Variants in CACNA2D4 observed in about 807,000 individuals in gnomAD.
CACNA2D4 encodes the protein voltage-dependent calcium channel subunit alpha-2/delta-4.
Under a neutral mutation model 163.8 loss-of-function variants are expected in CACNA2D4, and 157 were observed. The ratio of observed to expected loss-of-function variants is 0.96; its 90% confidence interval spans 0.84 to 1.09. The LOEUF (loss-of-function observed/expected upper bound fraction) is 1.09, where lower values mean the gene tolerates loss of function less well. Ranked by LOEUF, CACNA2D4 falls within the 50% of genes least tolerant of loss-of-function variation. CACNA2D4 has a pLI of 0.00. For missense variants in CACNA2D4, 1,410 were observed against 1,479.9 expected, an observed-to-expected ratio of 0.95 and a Z score of 0.78; for synonymous variants, 598 against 586.9, an observed-to-expected ratio of 1.02 and a Z score of -0.27.
At chr12:1,827,086 C>T (rs557877737) in intron 26 of CACNA2D4, among the ~76,000 whole-genome samples, 126 of 152,322 alleles carry the variant, frequency 8.3e-4, no homozygotes, top group Non-Finnish European at 1.0e-3. Flanking sequence ...GCAGGGAGCC[C>T]GTGGAGGGCG....
Position 1,878,045 on chromosome 12 carries a change from C to T in CACNA2D4, c.1719+270G>A, listed in dbSNP as rs1441945980. Among the ~76,000 whole-genome samples the T allele has an allele frequency of 2.0e-5, 3 of 152,196 alleles. No homozygotes were observed. Among genetic ancestry groups the T allele is most frequent in the Non-Finnish European group, 2.9e-5 (2 of 68,042 alleles). On this transcript the variant is annotated intron_variant, in intron 16 of 37. Transcript: ENST00000382722. The surrounding 1 kb of genome is among the most constrained non-coding windows in gnomAD (Gnocchi z 4.6). ...CTCCAAGCAGATGTGAATAATGGCC[C>T]TGCGGGCTCTTTAGCCTCAAAACTG... is the stretch of plus-strand genomic sequence containing the variant.
intron 6 of CACNA2D4, among the ~76,000 whole-genome samples, chr12:1,891,734 TA>T (rs1201490190): frequency 6.6e-6 from 1 of 152,006 alleles, no homozygotes; most frequent in Non-Finnish European, 1.5e-5. Context: ...TAGATATCAT[TA>T]CAAAGAACCA....
At chr12:1,853,593 T>C (rs2286374) in intron 23 of CACNA2D4, among the ~76,000 whole-genome samples, 113,220 of 151,948 alleles carry the variant, frequency 0.75, 42,590 homozygotes, top group Non-Finnish European at 0.79. Flanking sequence ...CACAATAGTA[T>C]CAGGAGAAGA....
At chr12:1,823,798 C>T (rs1308500242) in intron 26 of CACNA2D4, among the ~76,000 whole-genome samples, 1 of 152,216 alleles carries the variant, frequency 6.6e-6, no homozygotes, top group Non-Finnish European at 1.5e-5. Flanking sequence ...CAGCTGCCTT[C>T]TCAGCTCCAG....
rs374500884 is a variant in CACNA2D4 at position 1,844,464 on chromosome 12, C to A, written c.2408G>T (p.Arg803Leu). The A allele has an allele frequency of 6.2e-7, 1 of 1,613,344 alleles. No individual in the cohort carries two copies. The highest frequency in any genetic ancestry group is 2.2e-5 in the East Asian group (1 of 44,868). ...GCCAGCAGGATGCTCTGAGGCCTGG[C>A]GGTACCACAGCGGGAAGCGGTCCAG... ...FTLDRFPLWY[R>L]QASEHPAGSF... The change falls in exon 25 of 38, where the codon CGC becomes CTC. Residue 803 changes from arginine (R) to leucine (L), a missense_variant. Arg to Leu is a moderately radical substitution (Grantham distance 102, BLOSUM62 -2). Transcript: ENST00000382722. This position sits in a 1 kb window ranked among gnomAD's most constrained non-coding sequence, Gnocchi z 4.2.
intron 3 of CACNA2D4, among the ~76,000 whole-genome samples, chr12:1,910,336 A>T (rs1281661196): frequency 6.6e-6 from 1 of 152,210 alleles, no homozygotes; most frequent in Non-Finnish European, 1.5e-5. Context: ...TAGTGGATGC[A>T]TGTCATTGCA....
rs1011336684 is a variant in CACNA2D4, at chr12:1,844,653, G to A, written c.2343-124C>T. ...GTGATTTTAGCCCCTAAATTAGTAC[G>A]GCCCCAGACAATGCTTCCCAGCAAT... On this transcript the variant is annotated intron_variant, in intron 24 of 37. Transcript: ENST00000382722. The surrounding 1 kb of genome is among the most constrained non-coding windows in gnomAD (Gnocchi z 4.2). The A allele has an allele frequency of 9.4e-6, 9 of 962,010 alleles. No individual in the cohort carries two copies. The highest frequency in any genetic ancestry group is 1.6e-5 in the African/African-American group (1 of 60,778). 59.6% of individuals were successfully genotyped at this position (962,010 alleles called of 1,614,324 possible). A position where few individuals can be genotyped will look rare whatever the true frequency, so the allele number is the denominator to read the frequency against.
At chr12:1,904,149 T>C (rs1220693945) in intron 6 of CACNA2D4, among the ~76,000 whole-genome samples, 1 of 152,004 alleles carries the variant, frequency 6.6e-6, no homozygotes, top group African/African-American at 2.4e-5. Flanking sequence ...TCGCACTTTT[T>C]TGTGGGGGCT....
Position 1,883,271 on chromosome 12 carries a change from C to T in CACNA2D4, c.1352-271G>A, listed in dbSNP as rs986160577. Among the ~76,000 whole-genome samples, 48 of 152,304 alleles carry T rather than the reference C, an allele frequency of 3.2e-4. No individual in the cohort carries two copies. The highest frequency in any genetic ancestry group is 5.7e-4 in the Non-Finnish European group (39 of 68,014). ...CTCCGGAAGGAGCAGCAGGGCCTGA[C>T]GCAAGAGTGTTGGGGGTCAGCCTCT... On this transcript the variant is annotated intron_variant, in intron 12 of 37. Coordinates refer to ENST00000382722, the MANE Select transcript of CACNA2D4 (RefSeq NM_172364.5). The surrounding 1 kb of genome is among the most constrained non-coding windows in gnomAD (Gnocchi z 4.5).
intron 25 of CACNA2D4, among the ~76,000 whole-genome samples, chr12:1,842,111 C>A (rs1476918567): frequency 6.6e-6 from 1 of 152,182 alleles, no homozygotes; most frequent in East Asian, 1.9e-4. Flanking sequence ...CATGTGGAGA[C>A]CCTAATGAGG....
rs1000894293 is a variant in CACNA2D4 at position 1,875,167 on chromosome 12, T to G, written c.1806+84A>C. 3 of 978,068 alleles carry G rather than the reference T, an allele frequency of 3.1e-6. No individual in the cohort carries two copies. Among genetic ancestry groups the G allele is most frequent in the African/African-American group, 1.6e-5 (1 of 62,962 alleles). 60.6% of individuals were successfully genotyped at this position (978,068 alleles called of 1,614,324 possible). ...TCTGCCTGACAGGAACAGAGTGACCTCAAAGCTCACAGCCACACAGCTGAC... is the reference window on the plus strand; with the variant it reads ...TCTGCCTGACAGGAACAGAGTGACCGCAAAGCTCACAGCCACACAGCTGAC... On this transcript the variant is annotated intron_variant, in intron 17 of 37. Coordinates refer to ENST00000382722, the MANE Select transcript of CACNA2D4 (RefSeq NM_172364.5). The surrounding 1 kb of genome is among the most constrained non-coding windows in gnomAD (Gnocchi z 4.0).
At chr12:1,819,582 G>A (rs545639689) in intron 26 of CACNA2D4, among the ~76,000 whole-genome samples, 70 of 152,310 alleles carry the variant, frequency 4.6e-4, no homozygotes, top group South Asian at 2.3e-3. Context: ...GGGATTTAGG[G>A]TTCGTGCTCC....
rs1306715338 is a variant in CACNA2D4, at chr12:1,806,072, C to T, written c.2721+4206G>A. On this transcript the variant is annotated intron_variant, in intron 29 of 37. Coordinates refer to ENST00000382722, the MANE Select transcript of CACNA2D4 (RefSeq NM_172364.5). The surrounding 1 kb of genome is among the most constrained non-coding windows in gnomAD (Gnocchi z 4.1). ...TGCTGTGCTCTGAGAGATCCAGGTC[C>T]CTCAGGGAAAGGTGCTGGGATGGGG... 6.6e-6 allele frequency among the ~76,000 whole-genome samples: 1 copy of T among 152,160 alleles called. No individual in the cohort carries two copies. Among genetic ancestry groups the T allele is most frequent in the Non-Finnish European group, 1.5e-5 (1 of 68,030 alleles).
At chr12:1,847,748 G>C (rs539197995) in intron 23 of CACNA2D4, among the ~76,000 whole-genome samples, 17 of 152,152 alleles carry the variant, frequency 1.1e-4, no homozygotes, top group African/African-American at 3.4e-4. Flanking sequence ...TCACCAACCC[G>C]GGGCTGGTCT....
Position 1,884,253 on chromosome 12 carries a change from G to C in CACNA2D4, c.1341C>G (p.Cys447Trp), listed in dbSNP as rs1298237477. The change falls in exon 12 of 38, where the codon TGC (cysteine) becomes TGG (tryptophan). Residue 447 changes from cysteine to tryptophan, a missense_variant. Physicochemically the swap from Cys to Trp is radical, Grantham distance 215 (BLOSUM62 -2). Coordinates refer to ENST00000382722, the MANE Select transcript of CACNA2D4 (RefSeq NM_172364.5). ...TGGCCCGGCACTCACCTTTGTTGTT[G>C]CATGCAATCCACTTCATGCGGTCAG... The part of the protein sequence containing the change: ...SFADRMKWIA[C>W]NNKGYYTQIS... The C allele has an allele frequency of 6.2e-7, 1 of 1,612,008 alleles. No homozygotes were observed. The highest frequency in any genetic ancestry group is 1.7e-5 in the Admixed American group (1 of 59,780).
chr12:1,912,205 C>G (rs985118397), intron 3 of CACNA2D4, among the ~76,000 whole-genome samples: 4 of 152,230 alleles, frequency 2.6e-5, no homozygotes, highest in African/African-American at 9.6e-5. Context: ...CACTCCCGAT[C>G]TCCTCTCTCC....
chr12:1,811,143 C>T (rs1389229937), intron 27 of CACNA2D4, among the ~76,000 whole-genome samples: 2 of 152,104 alleles, frequency 1.3e-5, no homozygotes, highest in Non-Finnish European at 2.9e-5. Flanking sequence ...TGATGGGGGC[C>T]GAGGGGCTCG....
intron 6 of CACNA2D4, among the ~76,000 whole-genome samples, chr12:1,893,898 A>G (rs1004332419): frequency 6.6e-6 from 1 of 152,190 alleles, no homozygotes; most frequent in African/African-American, 2.4e-5. Flanking sequence ...GAAAAAAGTA[A>G]GAAATACTGG....
intron 23 of CACNA2D4, among the ~76,000 whole-genome samples, chr12:1,853,143 G>A (rs1865321773): frequency 6.6e-6 from 1 of 152,132 alleles, no homozygotes; most frequent in Non-Finnish European, 1.5e-5. Flanking sequence ...AACAGCTAAT[G>A]AGGAATGTTT....
Sources: allele counts gnomAD v4.1 joint callset (sites outside exome capture counted in the v4.1 genomes callset), GRCh38; gene constraint gnomAD v4.1.1; non-coding constraint Gnocchi (gnomAD v3.1); transcripts MANE v1.5; gene names NCBI Gene and HGNC (gene_info 2026-07-23, HGNC 2026-07-21).